The following SSBP2 variants were observed in gnomAD, a reference collection of about 807,000 sequenced individuals.
SSBP2 encodes the protein single stranded DNA binding protein 2, also known as single-stranded DNA-binding protein 2.
A neutral mutation model predicts 61.8 loss-of-function variants in SSBP2; 17 were observed. That is an observed-to-expected ratio of 0.28 (90% CI 0.19 to 0.41). The LOEUF (loss-of-function observed/expected upper bound fraction) is 0.41. SSBP2 is among the 10% of genes least tolerant of loss of function. The pLI, the probability that SSBP2 is intolerant of heterozygous loss-of-function variation, is 1.00. For synonymous variants in SSBP2, 139 were observed against 141.3 expected, an observed-to-expected ratio of 0.98 and a Z score of 0.12; for missense variants, 310 against 458.7, an observed-to-expected ratio of 0.68 and a Z score of 2.96.
intron 16 of SSBP2, among the ~76,000 whole-genome samples, chr5:81,427,262 A>G (rs1043804871): frequency 3.3e-5 from 5 of 152,216 alleles, no homozygotes; most frequent in Non-Finnish European, 5.9e-5. Flanking sequence ...CATAATCTTA[A>G]GCATTATGAC....
intron 4 of SSBP2, among the ~76,000 whole-genome samples, chr5:81,558,568 G>A (rs1204753823): frequency 2.6e-5 from 4 of 152,206 alleles, no homozygotes; most frequent in African/African-American, 9.7e-5. Flanking sequence ...AATTTTGCAT[G>A]TCTAAACTAA....
intron 4 of SSBP2, among the ~76,000 whole-genome samples, chr5:81,600,979 G>A (rs1233739383): frequency 6.6e-6 from 1 of 152,058 alleles, no homozygotes; most frequent in African/African-American, 2.4e-5. Flanking sequence ...TCTTACATAC[G>A]AAAGCAAAAG....
chr5:81,567,181 T>C (rs1178297997), intron 4 of SSBP2, among the ~76,000 whole-genome samples: 1 of 152,198 alleles, frequency 6.6e-6, no homozygotes, highest in African/African-American at 2.4e-5. Flanking sequence ...TCAAAGGTCT[T>C]CATGGCAGCC....
intron 4 of SSBP2, among the ~76,000 whole-genome samples, chr5:81,601,679 T>C (rs1405193636): frequency 5.3e-5 from 8 of 152,182 alleles, no homozygotes; most frequent in Non-Finnish European, 1.0e-4. Context: ...ACCACAATAA[T>C]TCACAACCAT....
In SSBP2 at chr5:81,729,577, A is replaced by G. The variant is rs116065453; in HGVS notation, c.62+21404T>C. 5.7e-3 allele frequency among the ~76,000 whole-genome samples: 874 copies of G among 152,300 alleles called. 6 individuals are homozygous for G. Among genetic ancestry groups the G allele is most frequent in the Middle Eastern group, 0.024 (7 of 294 alleles). On this transcript the variant is annotated intron_variant, in intron 1 of 16. Coordinates refer to ENST00000320672, the MANE Select transcript of SSBP2 (RefSeq NM_012446.5). Reference sequence around the variant, plus strand: ...AATGATAATACCATGCCATGAACTGAGGAGTATTAACTCAATACTCTATAC... The same window carrying G: ...AATGATAATACCATGCCATGAACTGGGGAGTATTAACTCAATACTCTATAC...
chr5:81,518,766 T>TA (rs1451924927), intron 4 of SSBP2, among the ~76,000 whole-genome samples: 2 of 152,094 alleles, frequency 1.3e-5, no homozygotes, highest in Non-Finnish European at 2.9e-5. Flanking sequence ...TTTATCATAC[T>TA]AAAAAATCAT....
chr5:81,714,112 A>G (rs1482309280), intron 1 of SSBP2, among the ~76,000 whole-genome samples: 2 of 151,694 alleles, frequency 1.3e-5, no homozygotes, highest in Admixed American at 1.3e-4. Flanking sequence ...CTGCGCCCAT[A>G]TGTTCTCATT....
intron 6 of SSBP2, among the ~76,000 whole-genome samples, chr5:81,480,383 C>CCGTA (rs1765896476): frequency 6.6e-6 from 1 of 152,264 alleles, no homozygotes; most frequent in Admixed American, 6.5e-5. Flanking sequence ...TTACACCATA[C>CCGTA]CGTAGTCTAT....
At chr5:81,500,607 C>G (rs1016725723) in intron 5 of SSBP2, among the ~76,000 whole-genome samples, 1 of 152,006 alleles carries the variant, frequency 6.6e-6, no homozygotes, top group African/African-American at 2.4e-5. Flanking sequence ...ATTACAGGTG[C>G]GTGCCACCAT....
At chr5:81,577,873 G>C (rs1173627173) in intron 4 of SSBP2, among the ~76,000 whole-genome samples, 2 of 151,896 alleles carry the variant, frequency 1.3e-5, no homozygotes, top group African/African-American at 4.8e-5. Flanking sequence ...AGCAATAGTA[G>C]ACATAGCGGC....
intron 4 of SSBP2, among the ~76,000 whole-genome samples, chr5:81,614,426 G>A (rs540207097): frequency 2.0e-5 from 3 of 148,810 alleles, no homozygotes; most frequent in South Asian, 4.3e-4. Context: ...TTCACTTCCC[G>A]TAAGTCTGCA....
intron 6 of SSBP2, among the ~76,000 whole-genome samples, chr5:81,485,288 T>G (rs1313531817): frequency 6.6e-6 from 1 of 152,204 alleles, no homozygotes; most frequent in Non-Finnish European, 1.5e-5. Flanking sequence ...TTTTGTAATT[T>G]TATTTTCCTT....
At chr5:81,440,661 C>T (rs777617678) in intron 13 of SSBP2, 25 bp from the exon 14 acceptor site, 1 of 1,522,926 alleles carries the variant, frequency 6.6e-7, no homozygotes, top group Non-Finnish European at 9.0e-7. Context: ...AAGAAAATCA[C>T]TGTAATCATA....
chr5:81,516,628 T>A (rs534549721), intron 4 of SSBP2, among the ~76,000 whole-genome samples: 8 of 152,128 alleles, frequency 5.3e-5, no homozygotes, highest in Non-Finnish European at 8.8e-5. Flanking sequence ...AGGGTACCAT[T>A]TGGTACCCTA....
intron 1 of SSBP2, among the ~76,000 whole-genome samples, chr5:81,677,619 G>T (rs2084915670): frequency 6.6e-6 from 1 of 152,052 alleles, no homozygotes; most frequent in African/African-American, 2.4e-5. Flanking sequence ...AAGTATCAGA[G>T]AAAAATACCC....
intron 3 of SSBP2, among the ~76,000 whole-genome samples, chr5:81,636,194 C>T (rs1430633823): frequency 2.0e-5 from 3 of 152,130 alleles, no homozygotes; most frequent in African/African-American, 7.2e-5. Flanking sequence ...CAGCCCTCAC[C>T]AGAAACTGAT....
In SSBP2 at chr5:81,473,744, GCATTGGCCCACC is replaced by G; in HGVS notation, c.514_525del (p.Gly172_Met175del). On this transcript the variant is annotated inframe_deletion, in exon 8 of 17. Transcript: ENST00000320672. ...ATTCCTCTTGGAGGAGTCATTCTCT[GCATTGGCCCACC>G]CATATTTGGATGTCCTAAAAAAAGT... 6.2e-7 allele frequency: 1 copy of G among 1,613,894 alleles called. No homozygotes were observed. The highest frequency in any genetic ancestry group is 1.7e-4 in the Middle Eastern group (1 of 6,060).
intron 1 of SSBP2, among the ~76,000 whole-genome samples, chr5:81,686,453 G>A (rs1752777975): frequency 6.6e-6 from 1 of 152,042 alleles, no homozygotes; most frequent in South Asian, 2.1e-4. Flanking sequence ...CTTAGGAAAT[G>A]TATTTTTTAT....
At position 81,611,661 on chromosome 5, in the gene SSBP2, C is replaced by A. The variant is rs566206522; in HGVS notation, c.282+3812G>T. 8.5e-5 allele frequency among the ~76,000 whole-genome samples: 13 copies of A among 152,174 alleles called. No homozygotes were observed. The South Asian group carries it at 2.7e-3, about 32-fold the overall frequency. On this transcript the variant is annotated intron_variant, in intron 4 of 16. Coordinates refer to ENST00000320672, the MANE Select transcript of SSBP2 (RefSeq NM_012446.5). ...TAAGGAATAAAGATCTTTCCATTAT[C>A]ATCTTTTCACATTTACCAGAAACTG... is the stretch of plus-strand genomic sequence containing the variant.
Sources: allele counts gnomAD v4.1 joint callset (sites outside exome capture counted in the v4.1 genomes callset), GRCh38; gene constraint gnomAD v4.1.1; transcripts MANE v1.5; gene names NCBI Gene and HGNC (gene_info 2026-07-23, HGNC 2026-07-21).